The following ESD variants were observed in gnomAD, a reference collection of about 807,000 sequenced individuals.
ESD encodes S-formylglutathione hydrolase.
A neutral mutation model predicts 38.1 loss-of-function variants in ESD; 34 were observed. The observed-to-expected ratio is 0.89, with a 90% CI of 0.68 to 1.19. The LOEUF is 1.19. Among genes scored for constraint, ESD ranks in the 50% most tolerant of loss-of-function variants. ESD has a pLI of 0.00. For synonymous variants in ESD, 97 were observed against 107.0 expected (o/e 0.91, Z 0.58); for missense variants, 334 against 327.2 (o/e 1.02, Z -0.16).
intron 9 of ESD, 27 bp from the exon 10 acceptor site, chr13:46,771,523 T>C (rs772938493): frequency 1.5e-5 from 20 of 1,319,610 alleles, no homozygotes; most frequent in South Asian, 3.7e-5. Context: ...TGATAAGACA[T>C]TTATCTACCA....
chr13:46,775,467 C>T, intron 9 of ESD: 1 of 281,562 alleles, frequency 3.6e-6, no homozygotes, highest in Non-Finnish European at 7.4e-6. Context: ...TTTACAGCTT[C>T]TATCCCACAA....
At chr13:46,785,399 C>T (rs565915910) in intron 4 of ESD, among the ~76,000 whole-genome samples, 2 of 152,134 alleles carry the variant, frequency 1.3e-5, no homozygotes, top group South Asian at 4.1e-4. Context: ...GTTTTCAATT[C>T]TATTGGGTAC....
chr13:46,775,406 C>G (rs779885597), intron 9 of ESD: 28 of 216,216 alleles, frequency 1.3e-4, no homozygotes, highest in Non-Finnish European at 3.8e-5. Context: ...TTTCTTTATT[C>G]TTTCTCAGAT....
chr13:46,786,881 A>G (rs892542213), intron 4 of ESD, 140 bp downstream of exon 4: 15 of 418,270 alleles, frequency 3.6e-5, no homozygotes, highest in African/African-American at 1.8e-4. Context: ...GGATAAAAGT[A>G]ACAGAGTAGA....
chr13:46,791,381 G>C lies in ESD; in HGVS notation c.33C>G (p.Cys11Trp). ...CAAAAACTTTCTGCAATCCCCCAAAGCACTTGTTGCTGGAAATCTGCTTCA... is the reference window on the plus strand; with the variant it reads ...CAAAAACTTTCTGCAATCCCCCAAACCACTTGTTGCTGGAAATCTGCTTCA... The part of the protein sequence containing the change: MALKQISSNK[C>W]FGGLQKVFEH... Residue 11 changes from cysteine to tryptophan, a missense_variant, in exon 3 of 10, where the codon TGC becomes TGG. Transcript: ENST00000378720. 6.2e-7 allele frequency: 1 copy of C among 1,612,946 alleles called. No individual in the cohort carries two copies. The highest frequency in any genetic ancestry group is 8.5e-7 in the Non-Finnish European group (1 of 1,179,398).
At position 46,781,512 on chromosome 13, in the gene ESD, T is replaced by G. The variant is rs1237970517; in HGVS notation, c.485A>C (p.Asn162Thr). ...GHGALICALK[N>T]PGKYKSVSAF... is the part of the protein sequence containing the mutation. ...TAATCTTACTTTGTATTTTCCAGGA[T>G]TTTTCAAAGCACAGATCAGAGCTCC... is the stretch of plus-strand genomic sequence containing the variant. The change falls in exon 7 of 10, where the codon AAT becomes ACT. Residue 162 changes from asparagine (N) to threonine (T), a missense_variant. Transcript: ENST00000378720. The G allele has an allele frequency of 2.5e-6, 4 of 1,599,856 alleles. No individual in the cohort carries two copies. In the African/African-American group the frequency reaches 4.0e-5, roughly 16 times the overall value.
intron 4 of ESD, among the ~76,000 whole-genome samples, chr13:46,785,161 T>G (rs1276406563): frequency 6.6e-6 from 1 of 151,978 alleles, no homozygotes; most frequent in Non-Finnish European, 1.5e-5. Flanking sequence ...TTTTAGAAGT[T>G]TCTGTTATTT....
chr13:46,773,747 T>A (rs974611577), intron 9 of ESD, among the ~76,000 whole-genome samples: 4 of 152,216 alleles, frequency 2.6e-5, no homozygotes, highest in African/African-American at 9.6e-5. Flanking sequence ...TGGAAGTGAA[T>A]GTGACAGGAA....
At chr13:46,796,218 T>C (rs1875570096) in intron 1 of ESD, among the ~76,000 whole-genome samples, 1 of 152,170 alleles carries the variant, frequency 6.6e-6, no homozygotes, top group Non-Finnish European at 1.5e-5. Flanking sequence ...CACGGTACAA[T>C]GGTTTCAGAG....
At chr13:46,783,037 C>A (rs1875064438) in intron 5 of ESD, among the ~76,000 whole-genome samples, 1 of 151,918 alleles carries the variant, frequency 6.6e-6, no homozygotes, top group African/African-American at 2.4e-5. Context: ...TATTCAGCTG[C>A]CAAGGTAAGA....
chr13:46,787,335 A>G (rs549780281), intron 3 of ESD, among the ~76,000 whole-genome samples: 1 of 152,128 alleles, frequency 6.6e-6, no homozygotes, highest in Admixed American at 6.5e-5. Flanking sequence ...CTGAGCCTAT[A>G]CTTTGCATGG....
chr13:46,771,616 G>C, intron 9 of ESD, 120 bp from the exon 10 acceptor site: 1 of 547,850 alleles, frequency 1.8e-6, no homozygotes. Context: ...CATTAAGGAA[G>C]TATGAGGAAG....
Position 46,791,339 on chromosome 13 carries a change from T to C in ESD, c.68+7A>G. On this transcript the variant is annotated splice_region_variant and intron_variant, in intron 3 of 9. Coordinates refer to ENST00000378720, the MANE Select transcript of ESD (RefSeq NM_001984.2). ...GGTATCTAAAATTATATCTTCTTAA[T>C]AGTTACCTGTCATGTTCAAAAACTT... is the stretch of plus-strand genomic sequence containing the variant. 1.2e-6 allele frequency: 2 copies of C among 1,603,980 alleles called. No individual in the cohort carries two copies. The highest frequency in any genetic ancestry group is 1.7e-6 in the Non-Finnish European group (2 of 1,172,660).
chr13:46,771,853 T>TAGAC (rs1874618014), intron 9 of ESD, among the ~76,000 whole-genome samples: 1 of 151,818 alleles, frequency 6.6e-6, no homozygotes, highest in Admixed American at 6.6e-5. Context: ...ATATGCAGAG[T>TAGAC]AGACACTGTC....
intron 9 of ESD, chr13:46,775,609 T>C (rs1260513425): frequency 2.1e-6 from 1 of 470,328 alleles, no homozygotes; most frequent in African/African-American, 2.0e-5. Flanking sequence ...TACTTAGGCA[T>C]GCTCATTCAG....
At chr13:46,779,657 A>G (rs1348049842) in intron 8 of ESD, among the ~76,000 whole-genome samples, 2 of 148,312 alleles carry the variant, frequency 1.3e-5, no homozygotes, top group Non-Finnish European at 3.0e-5. Flanking sequence ...TAGCCCCAGA[A>G]TATCTGCCAT....
At chr13:46,791,304 A>G in intron 3 of ESD, 42 bp downstream of exon 3, 1 of 1,408,116 alleles carries the variant, frequency 7.1e-7, no homozygotes. Flanking sequence ...AAAATAATCC[A>G]ACAGAATGAG....
At chr13:46,780,931 A>C (rs967006963) in intron 7 of ESD, among the ~76,000 whole-genome samples, 1 of 151,514 alleles carries the variant, frequency 6.6e-6, no homozygotes, top group African/African-American at 2.4e-5. Flanking sequence ...TCCTTATTCA[A>C]CTCTTGTAAC....
intron 4 of ESD, among the ~76,000 whole-genome samples, chr13:46,786,707 G>A (rs2138298247): frequency 6.6e-6 from 1 of 152,046 alleles, no homozygotes; most frequent in East Asian, 1.9e-4. Flanking sequence ...GACTAGTAAA[G>A]TCTCTATAAA....
Sources: allele counts gnomAD v4.1 joint callset (sites outside exome capture counted in the v4.1 genomes callset), GRCh38; gene constraint gnomAD v4.1.1; transcripts MANE v1.5; gene names NCBI Gene and HGNC (gene_info 2026-07-23, HGNC 2026-07-21).